The following SEMA4F variants were observed in gnomAD, a reference collection of about 807,000 sequenced individuals.
SEMA4F encodes semaphorin-4F.
A neutral mutation model predicts 78.4 loss-of-function variants in SEMA4F; 51 were observed. That is an observed-to-expected ratio of 0.65 (90% CI 0.52 to 0.82). The LOEUF (loss-of-function observed/expected upper bound fraction) is 0.82. Ranked by LOEUF, SEMA4F falls within the 40% of genes least tolerant of loss-of-function variation. The probability of loss-of-function intolerance (pLI) is 0.00; values close to 1 mark genes in which losing one functional copy is unlikely to be tolerated. For missense variants in SEMA4F, 938 were observed against 1,014.4 expected (o/e 0.92, Z 1.02); for synonymous variants, 418 against 408.7 (o/e 1.02, Z -0.27).
intron 1 of SEMA4F, among the ~76,000 whole-genome samples, chr2:74,654,933 C>G (rs993904740): frequency 2.0e-5 from 3 of 152,234 alleles, no homozygotes; most frequent in Admixed American, 1.3e-4. Context: ...ACACCTGGGT[C>G]CATCATTCCA....
chr2:74,684,589 G>A (rs944786818), downstream of SEMA4F, among the ~76,000 whole-genome samples: 11 of 152,122 alleles, frequency 7.2e-5, no homozygotes, highest in African/African-American at 2.2e-4. Flanking sequence ...AGCAAGCCAC[G>A]TGACTTTGCA....
Position 74,665,930 on chromosome 2 carries a change from C to T in SEMA4F, c.550+3105C>T, listed in dbSNP as rs566256438. ...TTTTTTTTTTTTTGTTTTTTTGAGA[C>T]GGAGTCTCGCTCTGTCGCCCAGGCT... is the stretch of plus-strand genomic sequence containing the variant. On this transcript the variant is annotated intron_variant, in intron 5 of 13. Coordinates refer to ENST00000357877, the MANE Select transcript of SEMA4F (RefSeq NM_004263.5). Among the ~76,000 whole-genome samples, 37 of 147,024 alleles carry T rather than the reference C, an allele frequency of 2.5e-4. 1 individual carries two copies. Among genetic ancestry groups the T allele is most frequent in the African/African-American group, 8.0e-4 (32 of 39,850 alleles).
chr2:74,689,073 C>A, the SEMA4F span, among the ~76,000 whole-genome samples: 679 of 152,138 alleles, frequency 4.5e-3, 6 homozygotes, highest in African/African-American at 0.016. Flanking sequence ...AGGTGTGTTC[C>A]AAATCTGAGG....
downstream of SEMA4F, among the ~76,000 whole-genome samples, chr2:74,685,826 C>T (rs915189985): frequency 3.3e-5 from 5 of 151,888 alleles, no homozygotes; most frequent in African/African-American, 4.8e-5. Context: ...TGACAAAGGG[C>T]GAATATCCAG....
intron 5 of SEMA4F, among the ~76,000 whole-genome samples, chr2:74,666,517 T>C (rs1014850144): frequency 1.3e-5 from 2 of 152,162 alleles, no homozygotes; most frequent in Admixed American, 6.5e-5. Context: ...CTTCAGTTAA[T>C]GTGGAAACTC....
rs1160263553 is a variant in SEMA4F, at chr2:74,654,294, C to G, written c.-83C>G. The stretch of plus-strand genomic sequence containing the variant: ...TGAGCCGGACCGAGCCGAGAGGACC[C>G]GAGTGGGGCCGAGGCCAGTAGCCCC... On this transcript the variant is annotated 5_prime_UTR_variant, in exon 1 of 14. Coordinates refer to ENST00000357877, the MANE Select transcript of SEMA4F (RefSeq NM_004263.5). 7.4e-7 allele frequency: 1 copy of G among 1,355,868 alleles called. No individual in the cohort carries two copies. The highest frequency in any genetic ancestry group is 9.5e-7 in the Non-Finnish European group (1 of 1,057,664). The allele number at this position is 1,355,868 out of a possible 1,614,324, so 84.0% of individuals were successfully genotyped here.
the SEMA4F span, among the ~76,000 whole-genome samples, chr2:74,694,307 T>C: frequency 6.6e-6 from 1 of 152,162 alleles, no homozygotes; most frequent in African/African-American, 2.4e-5. Context: ...GATGAAATCA[T>C]TGTTAGACAT....
intron 1 of SEMA4F, 99 bp downstream of exon 1, chr2:74,654,620 C>T: frequency 9.1e-7 from 1 of 1,104,818 alleles, no homozygotes; most frequent in Non-Finnish European, 1.2e-6. Flanking sequence ...GGCCTCTCAG[C>T]CTGGTGTATG....
chr2:74,689,544 C>T, the SEMA4F span, among the ~76,000 whole-genome samples: 1 of 152,036 alleles, frequency 6.6e-6, no homozygotes, highest in Non-Finnish European at 1.5e-5. Flanking sequence ...TGTGCAAAGA[C>T]ATACTTCTAA....
In SEMA4F at chr2:74,658,051, A is replaced by T; in HGVS notation, c.456+100A>T. On this transcript the variant is annotated intron_variant, in intron 4 of 13. Coordinates refer to ENST00000357877, the MANE Select transcript of SEMA4F (RefSeq NM_004263.5). This position sits in a 1 kb window ranked among gnomAD's most constrained non-coding sequence, Gnocchi z 4.3. The stretch of plus-strand genomic sequence containing the variant: ...TGGGAAGGGTTTTCTGTGAGCGACC[A>T]TGATGGGGGCATGGTCAAGGCAACC... 1.9e-6 allele frequency: 2 copies of T among 1,049,870 alleles called. No homozygotes were observed. The highest frequency in any genetic ancestry group is 2.9e-6 in the Non-Finnish European group (2 of 678,818). The allele number at this position is 1,049,870 out of a possible 1,614,324, so 65.0% of individuals were successfully genotyped here.
chr2:74,696,494 G>A, the SEMA4F span, among the ~76,000 whole-genome samples: 12 of 152,080 alleles, frequency 7.9e-5, no homozygotes, highest in African/African-American at 2.4e-5. Flanking sequence ...CACCGCGCCC[G>A]GCCCTGCCTC....
At chr2:74,702,716 C>G in the SEMA4F span, among the ~76,000 whole-genome samples, 1 of 152,102 alleles carries the variant, frequency 6.6e-6, no homozygotes, top group Non-Finnish European at 1.5e-5. Context: ...ATAGATCAAC[C>G]TAGGGGAGGG....
chr2:74,694,766 T>C, the SEMA4F span, among the ~76,000 whole-genome samples: 6 of 152,260 alleles, frequency 3.9e-5, no homozygotes, highest in East Asian at 1.9e-4. Context: ...GGCTAGTTGC[T>C]GTAGGGAATA....
At chr2:74,672,153 C>G (rs975944832) in intron 5 of SEMA4F, among the ~76,000 whole-genome samples, 20 of 152,378 alleles carry the variant, frequency 1.3e-4, no homozygotes, top group Admixed American at 1.2e-3. Flanking sequence ...CCAACCACAA[C>G]TGAGTGCCCA....
chr2:74,683,947 A>G (rs1558741617), downstream of SEMA4F: 1 of 152,330 alleles, frequency 6.6e-6, no homozygotes, highest in East Asian at 1.9e-4. Context: ...ACCTACCTAT[A>G]GATAGAGCAG....
chr2:74,675,898 G>A lies in SEMA4F; in HGVS notation c.1632G>A (p.Gly544=), dbSNP rs753875545. 7.4e-6 allele frequency: 12 copies of A among 1,612,038 alleles called. No individual in the cohort carries two copies. The highest frequency in any genetic ancestry group is 3.3e-5 in the Admixed American group (2 of 59,894). The change falls in exon 12 of 14, where the codon GGG becomes GGA. Residue 544 remains glycine (G), a synonymous_variant. Coordinates refer to ENST00000357877, the MANE Select transcript of SEMA4F (RefSeq NM_004263.5). ...FRLDECVAHA[G]EHRGLVQDIE... Reference sequence around the variant, plus strand: ...TGGATGAGTGTGTGGCCCATGCCGGGGAGCACCGAGGGTGAGTGTAGCTGC... The same window carrying A: ...TGGATGAGTGTGTGGCCCATGCCGGAGAGCACCGAGGGTGAGTGTAGCTGC...
At position 74,654,518 on chromosome 2, in the gene SEMA4F, T is replaced by C; in HGVS notation, c.142T>C (p.Ser48Pro). 1.3e-6 allele frequency: 2 copies of C among 1,557,316 alleles called. No individual in the cohort carries two copies. Among genetic ancestry groups the C allele is most frequent in the Non-Finnish European group, 1.7e-6 (2 of 1,153,882 alleles). Residue 48 changes from serine to proline, a missense_variant, in exon 1 of 14, where the codon TCT becomes CCT. Transcript: ENST00000357877. The part of the protein sequence containing the change: ...RSVPRTSLPI[S>P]EADSCLTRFA... ...GGTGCCCAGAACCTCGCTTCCAATC[T>C]CTGGTAAGGCGCGGACGCCCACGCC...
rs1340220533 is a variant in SEMA4F at position 74,673,465 on chromosome 2, C to T, written c.559C>T (p.Leu187Phe). The T allele has an allele frequency of 3.1e-6, 5 of 1,613,974 alleles. No homozygotes were observed. The highest frequency in any genetic ancestry group is 1.3e-5 in the African/African-American group (1 of 74,916). Residue 187 changes from leucine to phenylalanine, a missense_variant, in exon 6 of 14, where the codon CTC (leucine) becomes TTC (phenylalanine). Coordinates refer to ENST00000357877, the MANE Select transcript of SEMA4F (RefSeq NM_004263.5). ...TCCCTGTCGCCCTGCAGGGGGGGTC[C>T]TCTATGCTGCCACTGTGAAAAACTA... Reference protein sequence around the residue: ...RSAAVMAGGVLYAATVKNYLG... With the variant: ...RSAAVMAGGVFYAATVKNYLG...
chr2:74,707,507 A>G, the SEMA4F span, among the ~76,000 whole-genome samples: 1 of 151,626 alleles, frequency 6.6e-6, no homozygotes, highest in Non-Finnish European at 1.5e-5. Flanking sequence ...TTTTTTTTAA[A>G]AAGGTTAACA....
Sources: gnomAD v4.1 joint callset for allele counts (sites outside exome capture counted in the v4.1 genomes callset) on GRCh38, gnomAD v4.1.1 for gene constraint, Gnocchi (gnomAD v3.1) non-coding constraint, MANE v1.5 for transcripts, NCBI Gene and HGNC (gene_info 2026-07-23, HGNC 2026-07-21) for gene names.